The following APBA3 variants were observed in gnomAD, a reference collection of about 807,000 sequenced individuals.
The protein encoded by APBA3 is amyloid-beta A4 precursor protein-binding family A member 3.
A neutral mutation model predicts 55.9 loss-of-function variants in APBA3; 45 were observed. The ratio of observed to expected loss-of-function variants is 0.80; its 90% CI spans 0.63 to 1.03. The LOEUF (loss-of-function observed/expected upper bound fraction) is 1.03. Ranked by LOEUF, APBA3 falls within the 50% of genes least tolerant of loss-of-function variation. The pLI is 0.00. For synonymous variants in APBA3, 370 were observed against 353.3 expected (o/e 1.05, Z -0.53); for missense variants, 865 against 820.3 (o/e 1.05, Z -0.67).
rs372069115 is a variant in APBA3 at position 3,752,721 on chromosome 19, C to T, written c.1183-1G>A. ...CCCCTCGCCGCTTCTCGAGGTGCAC[C>T]TGGGACACACAGGGGGCGCGGAGGC... On this transcript the variant is annotated splice_acceptor_variant, in intron 7 of 10. Coordinates refer to ENST00000316757, the MANE Select transcript of APBA3 (RefSeq NM_004886.4). LOFTEE classifies it high-confidence loss of function. 7.5e-6 allele frequency: 12 copies of T among 1,602,612 alleles called. No individual in the cohort carries two copies. The highest frequency in any genetic ancestry group is 2.7e-5 in the African/African-American group (2 of 74,788).
chr19:3,752,778 TGTGGGGGGCACCAG>T, intron 7 of APBA3, 28 bp downstream of exon 7: 1 of 1,609,082 alleles, frequency 6.2e-7, no homozygotes, highest in Non-Finnish European at 8.5e-7. Flanking sequence ...GGTGCACGGG[TGTGGGGGGCACCAG>T]GTGGGGGCTG....
In APBA3 at chr19:3,760,120, G is replaced by C. The variant is rs200728837; in HGVS notation, c.145C>G (p.Arg49Gly). ...PMPGGPGSLS[R>G]MELDESSLQE... Reference sequence around the variant, plus strand: ...AGGCTTGACTCATCAAGTTCCATCCGACTGAGGCTGCCGGGGCCTCCTGGC... The same window carrying C: ...AGGCTTGACTCATCAAGTTCCATCCCACTGAGGCTGCCGGGGCCTCCTGGC... Residue 49 changes from arginine to glycine, a missense_variant, in exon 2 of 11, where the codon CGG becomes GGG. By Grantham distance (125) the Arg-to-Gly change is moderately radical. Transcript: ENST00000316757. 9.3e-6 allele frequency: 15 copies of C among 1,613,470 alleles called. No individual in the cohort carries two copies. Among genetic ancestry groups the C allele is most frequent in the Middle Eastern group, 1.6e-4 (1 of 6,062 alleles).
At chr19:3,751,974 C>A in intron 8 of APBA3, 1 of 204,602 alleles carries the variant, frequency 4.9e-6, no homozygotes, top group Middle Eastern at 2.0e-3. Flanking sequence ...CTGTGGGAGG[C>A]CGAGGCAGGT....
In APBA3 at chr19:3,752,936, AC is replaced by A. The variant is rs2037028699; in HGVS notation, c.1065del (p.Gln355HisfsTer90). The A allele has an allele frequency of 6.2e-7, 1 of 1,613,360 alleles. No homozygotes were observed. Among genetic ancestry groups the A allele is most frequent in the Non-Finnish European group, 8.5e-7 (1 of 1,179,918 alleles). On this transcript the variant is annotated frameshift_variant, in exon 7 of 11. Coordinates refer to ENST00000316757, the MANE Select transcript of APBA3 (RefSeq NM_004886.4). LOFTEE classifies it high-confidence loss of function. ...IGQAFAAAYS[Q>X]FLRESGIDPS... ...GGGTCAATACCGCTTTCCCGTAGGAACTGGCTGTAGGCGGCGGCGAAGGCCT... is the reference window on the plus strand; with the variant it reads ...GGGTCAATACCGCTTTCCCGTAGGAATGGCTGTAGGCGGCGGCGAAGGCCT...
rs937774339 is a variant in APBA3, at chr19:3,751,251, G to A, written c.1594C>T (p.Gln532Ter). 1.3e-6 allele frequency: 2 copies of A among 1,547,218 alleles called. No homozygotes were observed. The highest frequency in any genetic ancestry group is 1.9e-5 in the Admixed American group (1 of 51,286). ...GCGTGTGGCGTGGCCACCACACTCTGCCCATTGATCTCAATGATGCGGTGG... is the reference window on the plus strand; with the variant it reads ...GCGTGTGGCGTGGCCACCACACTCTACCCATTGATCTCAATGATGCGGTGG... ...VGHRIIEING[Q>*]SVVATPHARI... Residue 532 changes from glutamine to a stop codon, truncating the protein, a stop_gained, in exon 10 of 11, where the codon CAG (glutamine) becomes TAG (stop). Coordinates refer to ENST00000316757, the MANE Select transcript of APBA3 (RefSeq NM_004886.4). LOFTEE classifies it high-confidence loss of function.
At chr19:3,759,490 A>T in intron 3 of APBA3, 71 bp downstream of exon 3, 1 of 1,453,436 alleles carries the variant, frequency 6.9e-7, no homozygotes, top group Non-Finnish European at 9.5e-7. Context: ...AGCTGTTGCC[A>T]GGCTGGTGAG....
At position 3,760,128 on chromosome 19, in the gene APBA3, C is replaced by G; in HGVS notation, c.137G>C (p.Ser46Thr). ...QWDPMPGGPGSLSRMELDESS... is the reference protein window; with the variant it reads ...QWDPMPGGPGTLSRMELDESS... ...CTCATCAAGTTCCATCCGACTGAGGCTGCCGGGGCCTCCTGGCATAGGGTC... is the reference window on the plus strand; with the variant it reads ...CTCATCAAGTTCCATCCGACTGAGGGTGCCGGGGCCTCCTGGCATAGGGTC... Residue 46 changes from serine to threonine, a missense_variant, in exon 2 of 11, where the codon AGC (serine) becomes ACC (threonine). By Grantham distance (58) the Ser-to-Thr change is moderately conservative. Coordinates refer to ENST00000316757, the MANE Select transcript of APBA3 (RefSeq NM_004886.4). 1.9e-6 allele frequency: 3 copies of G among 1,613,476 alleles called. No homozygotes were observed. Among genetic ancestry groups the G allele is most frequent in the South Asian group, 2.2e-5 (2 of 91,086 alleles).
chr19:3,759,562 C>G lies in APBA3; in HGVS notation c.615G>C (p.Glu205Asp), dbSNP rs1439639177. The G allele has an allele frequency of 2.5e-6, 4 of 1,598,114 alleles. No homozygotes were observed. In the Admixed American group the frequency reaches 5.3e-5, roughly 21 times the overall value. ...ETLASYPAPQ[E>D]VPGPCDHEDL... is the part of the protein sequence containing the mutation. ...GGCTAGGGTGGGCGGGACACTCACC[C>G]TCCTGGGGGGCAGGGTAGGAAGCCA... is the stretch of plus-strand genomic sequence containing the variant. Residue 205 changes from glutamate to aspartate, a missense_variant and splice_region_variant, in exon 3 of 11, where the codon GAG (glutamate) becomes GAC (aspartate). Physicochemically the swap from Glu to Asp is conservative, Grantham distance 45. Transcript: ENST00000316757.
chr19:3,753,075 C>A (rs1022585882), intron 6 of APBA3, 85 bp from the exon 7 acceptor site: 61 of 1,479,916 alleles, frequency 4.1e-5, no homozygotes, highest in Non-Finnish European at 5.3e-5. Flanking sequence ...AGAGCTGAGC[C>A]CTCCTGTCCC....
Position 3,759,889 on chromosome 19 carries a change from T to C in APBA3, c.376A>G (p.Thr126Ala), listed in dbSNP as rs182675279. The change falls in exon 2 of 11, where the codon ACT becomes GCT. Residue 126 changes from threonine to alanine, a missense_variant. Transcript: ENST00000316757. ...GGCTCTAGAGGCTCTTCAGGACCAG[T>C]CTGGGAAGGCGGGCATTCCTCGCAG... ...LHCEECPPSQ[T>A]GPEEPLEPAP... 2.5e-6 allele frequency: 4 copies of C among 1,611,834 alleles called. No individual in the cohort carries two copies. The East Asian group carries it at 6.7e-5, about 27-fold the overall frequency.
chr19:3,753,751 C>A lies in APBA3; in HGVS notation c.1011+14G>T. 1 of 1,498,830 alleles carries A rather than the reference C, an allele frequency of 6.7e-7. No individual in the cohort carries two copies. Among genetic ancestry groups the A allele is most frequent in the South Asian group, 1.3e-5 (1 of 77,658 alleles). 92.8% of individuals were successfully genotyped at this position (1,498,830 alleles called of 1,614,324 possible). On this transcript the variant is annotated intron_variant, in intron 6 of 10. Transcript: ENST00000316757. ...AGGGCCTCAGGAGGGTGGCCCCGCG[C>A]CCTGGCTGCTCACGTCCTCCGCGTA... is the stretch of plus-strand genomic sequence containing the variant.
At chr19:3,760,487 G>A (rs556907889) in intron 1 of APBA3, among the ~76,000 whole-genome samples, 186 bp from the exon 2 acceptor site, 4 of 151,902 alleles carry the variant, frequency 2.6e-5, no homozygotes, top group African/African-American at 4.8e-5. Flanking sequence ...AGTGGCTCAC[G>A]CCTGTAATTC....
chr19:3,753,117 T>A, intron 6 of APBA3, 127 bp from the exon 7 acceptor site: 1 of 1,107,064 alleles, frequency 9.0e-7, no homozygotes, highest in Non-Finnish European at 1.3e-6. Flanking sequence ...GACACAGCCT[T>A]CTGCCCTGGG....
At chr19:3,757,854 G>A (rs865939796) in intron 3 of APBA3, among the ~76,000 whole-genome samples, 7 of 152,308 alleles carry the variant, frequency 4.6e-5, no homozygotes, top group South Asian at 4.1e-4. Context: ...TCTGCCATTC[G>A]AACATCAGAG....
intron 3 of APBA3, among the ~76,000 whole-genome samples, chr19:3,758,403 C>T (rs1249401641): frequency 6.6e-6 from 1 of 151,970 alleles, no homozygotes; most frequent in Non-Finnish European, 1.5e-5. Flanking sequence ...GGACTACAGG[C>T]ATGCACCGCC....
intron 7 of APBA3, 37 bp from the exon 8 acceptor site, chr19:3,752,757 G>A: frequency 6.2e-7 from 1 of 1,608,138 alleles, no homozygotes. Context: ...TGCTCAGCAG[G>A]GCCCGGTGCA....
rs759181500 is a variant in APBA3 at position 3,751,344 on chromosome 19, A to C, written c.1516-15T>G. On this transcript the variant is annotated splice_polypyrimidine_tract_variant and intron_variant, in intron 9 of 10. Coordinates refer to ENST00000316757, the MANE Select transcript of APBA3 (RefSeq NM_004886.4). ...AGGCTGCAGATCTGGGGGAGAAAAG[A>C]GGGGGACGGGAAAGAGGTGGGGGCT... 141 of 1,522,758 alleles carry C rather than the reference A, an allele frequency of 9.3e-5. No individual in the cohort carries two copies. The highest frequency in any genetic ancestry group is 1.2e-4 in the Non-Finnish European group (138 of 1,137,540). 94.3% of individuals were successfully genotyped at this position (1,522,758 alleles called of 1,614,324 possible). A position where few individuals can be genotyped will look rare whatever the true frequency, so the allele number is the denominator to read the frequency against.
rs935857059 is a variant in APBA3 at position 3,754,421 on chromosome 19, G to T, written c.617-81C>A. The T allele has an allele frequency of 2.0e-6, 3 of 1,492,750 alleles. No homozygotes were observed. In the Admixed American group the frequency reaches 8.1e-5, roughly 40 times the overall value. The allele number at this position is 1,492,750 out of a possible 1,614,324, so 92.5% of individuals were successfully genotyped here. On this transcript the variant is annotated intron_variant, in intron 3 of 10. Transcript: ENST00000316757. ...CCCCAGGGCTACGCTCTCCGAGATG[G>T]CCGGGAGACACAGTGTTCTAGCTGG...
rs1323609135 is a variant in APBA3, at chr19:3,750,975, G to A, written c.*51C>T. On this transcript the variant is annotated 3_prime_UTR_variant, in exon 11 of 11. Transcript: ENST00000316757. ...CCAGCCAGGGCAGGCCCAGGATGGGGCTCCGGGGCCATGGAGGCGAAGGCA... is the reference window on the plus strand; with the variant it reads ...CCAGCCAGGGCAGGCCCAGGATGGGACTCCGGGGCCATGGAGGCGAAGGCA... The A allele has an allele frequency of 6.5e-7, 1 of 1,530,758 alleles. No homozygotes were observed. Among genetic ancestry groups the A allele is most frequent in the South Asian group, 1.2e-5 (1 of 83,636 alleles). 94.8% of individuals were successfully genotyped at this position (1,530,758 alleles called of 1,614,324 possible). A position where few individuals can be genotyped will look rare whatever the true frequency, so the allele number is the denominator to read the frequency against.
Sources: gnomAD v4.1 joint callset for allele counts (sites outside exome capture counted in the v4.1 genomes callset) on GRCh38, gnomAD v4.1.1 for gene constraint, MANE v1.5 for transcripts, NCBI Gene and HGNC (gene_info 2026-07-23, HGNC 2026-07-21) for gene names.